Variants in RBBP7 observed in about 807,000 individuals in gnomAD.
The protein encoded by RBBP7 is RB binding protein 7, chromatin remodeling factor, also known as histone-binding protein RBBP7.
In RBBP7, 5 loss-of-function variants were observed where a neutral mutation model predicts 35.2. That is an observed-to-expected ratio of 0.14 (90% CI 0.07 to 0.30). The LOEUF (loss-of-function observed/expected upper bound fraction) is 0.30. Ranked by LOEUF, RBBP7 falls within the 10% of genes least tolerant of loss-of-function variation. The pLI, the probability that RBBP7 is intolerant of heterozygous loss-of-function variation, is 1.00. For missense variants in RBBP7, 155 were observed against 327.5 expected, an observed-to-expected ratio of 0.47 and a Z score of 4.07; for synonymous variants, 140 against 118.7, an observed-to-expected ratio of 1.18 and a Z score of -1.17.
At chrX:16,869,857 G>C in intron 1 of RBBP7, 181 bp downstream of exon 1, 4 of 851,283 alleles carry the variant, frequency 4.7e-6, no homozygotes, top group Non-Finnish European at 4.3e-6. Flanking sequence ...GGAAGTGCTC[G>C]GAGCCCTCGG....
At chrX:16,852,326 C>A (rs1930228651) in intron 8 of RBBP7, 2 of 525,220 alleles carry the variant, frequency 3.8e-6, no homozygotes, top group African/African-American at 2.3e-5. Context: ...CTCCCCAGCA[C>A]TGAGGAACTC....
intron 3 of RBBP7, among the ~76,000 whole-genome samples, chrX:16,860,672 T>G (rs1187034804): frequency 1.1e-5 from 1 of 90,001 alleles, no homozygotes; most frequent in Non-Finnish European, 2.1e-5. Context: ...AAACTTCGTC[T>G]CGAAAAAAAA....
At position 16,853,812 on chromosome X, in the gene RBBP7, G is replaced by A; in HGVS notation, c.628C>T (p.Pro210Ser). 8.5e-7 allele frequency: 1 copy of A among 1,171,098 alleles called. No individual in the cohort carries two copies. Among genetic ancestry groups the A allele is most frequent in the Non-Finnish European group, 1.1e-6 (1 of 876,816 alleles). Residue 210 changes from proline (P) to serine (S), a missense_variant, in exon 6 of 12, where the codon CCA becomes TCA. Around this residue, in one of 3 missense-constraint regions of RBBP7, gnomAD observed 79 missense variants for 220.8 expected, o/e 0.36. Transcript: ENST00000380087. ...TVCLWDINAG[P>S]KEGKIVDAKA... is the part of the protein sequence containing the mutation. Reference sequence around the variant, plus strand: ...GCATCCACAATTTTGCCTTCTTTTGGTCCTGCGTTTATATCCCACAGACAA... The same window carrying A: ...GCATCCACAATTTTGCCTTCTTTTGATCCTGCGTTTATATCCCACAGACAA...
chrX:16,858,868 AACAC>A lies in RBBP7; in HGVS notation c.308-23_308-20del, dbSNP rs373821489. On this transcript the variant is annotated intron_variant, in intron 3 of 11. Coordinates refer to ENST00000380087, the MANE Select transcript of RBBP7 (RefSeq NM_002893.4). ...CCAAATTCTAATGTGAGGAGAAAGA[AACAC>A]ACACACACACACTCAGGATTAAAAT... The A allele has an allele frequency of 2.7e-6, 3 of 1,123,570 alleles. No homozygotes were observed. Among genetic ancestry groups the A allele is most frequent in the Non-Finnish European group, 3.6e-6 (3 of 830,461 alleles). The allele number at this position is 1,123,570 out of a possible 1,213,427, so 92.6% of individuals were successfully genotyped here. A position where few individuals can be genotyped will look rare whatever the true frequency, so the allele number is the denominator to read the frequency against.
chrX:16,848,805 A>G (rs1364030247), intron 10 of RBBP7: 1 of 113,295 alleles, frequency 8.8e-6, no homozygotes, highest in Admixed American at 9.5e-5. Flanking sequence ...TGCTTCAATC[A>G]GGCATGGGAG....
chrX:16,864,650 A>G (rs929847195), intron 2 of RBBP7, among the ~76,000 whole-genome samples: 1 of 109,674 alleles, frequency 9.1e-6, no homozygotes, highest in Non-Finnish European at 1.9e-5. Context: ...GGTGGTCTTT[A>G]TATGTATGTA....
intron 5 of RBBP7, 51 bp from the exon 6 acceptor site, chrX:16,853,893 T>C (rs1391522695): frequency 1.7e-5 from 2 of 118,052 alleles, no homozygotes; most frequent in African/African-American, 4.3e-4. Flanking sequence ...AAGAGACTGA[T>C]TTTTTTTTTT....
In RBBP7 at chrX:16,852,744, G is replaced by A. The variant is rs780895806; in HGVS notation, c.885+5C>T. 2.1e-5 allele frequency: 25 copies of A among 1,210,658 alleles called. No homozygotes were observed. The highest frequency in any genetic ancestry group is 8.8e-5 in the South Asian group (5 of 56,915). ...AAACACCAAATAATGCAAAAACTTC[G>A]AAACCTTATCCGCAGAGCCGGTGGC... On this transcript the variant is annotated splice_donor_5th_base_variant and intron_variant, in intron 7 of 11. Transcript: ENST00000380087.
intron 3 of RBBP7, among the ~76,000 whole-genome samples, chrX:16,861,176 A>T (rs776558877): frequency 8.9e-6 from 1 of 112,314 alleles, no homozygotes; most frequent in Admixed American, 9.5e-5. Context: ...CCTGCCTCAT[A>T]ACAAACAAAA....
rs149022618 is a variant in RBBP7 at position 16,869,401 on chromosome X, T to C, written c.17-181A>G. On this transcript the variant is annotated intron_variant, in intron 1 of 11. Transcript: ENST00000380087. ...ATACTAACAATCAGGAAGCCTATTT[T>C]TTCCATTGAGATCAATACCCCCTGC... The C allele has an allele frequency of 1.7e-4, 181 of 1,080,227 alleles. No homozygotes were observed. In the East Asian group the frequency reaches 4.3e-3, roughly 26 times the overall value. 89.0% of individuals were successfully genotyped at this position (1,080,227 alleles called of 1,213,427 possible).
intron 2 of RBBP7, among the ~76,000 whole-genome samples, chrX:16,868,584 T>C (rs1289769594): frequency 8.9e-6 from 1 of 112,584 alleles, no homozygotes; most frequent in Admixed American, 9.4e-5. Context: ...TCTCAAAGTG[T>C]ATTCCATAAG....
Position 16,870,146 on chromosome X carries a change from C to G in RBBP7, c.-93G>C. ...CGCTGGCGCTCCTGCCTTTCCCAAG[C>G]GCGTCACACTCCCCACTGTCGAAAG... On this transcript the variant is annotated 5_prime_UTR_variant, in exon 1 of 12. Transcript: ENST00000380087. 1.0e-6 allele frequency: 1 copy of G among 996,364 alleles called. No homozygotes were observed. Among genetic ancestry groups the G allele is most frequent in the Non-Finnish European group, 1.3e-6 (1 of 775,568 alleles). 82.1% of individuals were successfully genotyped at this position (996,364 alleles called of 1,213,427 possible). A position where few individuals can be genotyped will look rare whatever the true frequency, so the allele number is the denominator to read the frequency against.
At chrX:16,861,980 T>C (rs1234791816) in intron 3 of RBBP7, among the ~76,000 whole-genome samples, 2 of 112,024 alleles carry the variant, frequency 1.8e-5, no homozygotes, top group East Asian at 5.6e-4. Flanking sequence ...TCAGTTTGTA[T>C]TACTGGGGTC....
At chrX:16,853,622 A>C in intron 6 of RBBP7, 60 bp downstream of exon 6, 1 of 1,021,409 alleles carries the variant, frequency 9.8e-7, no homozygotes, top group Non-Finnish European at 1.3e-6. Context: ...GCCTGCAGCA[A>C]TCACTGATGG....
At chrX:16,850,930 C>T (rs1930197010) in intron 9 of RBBP7, among the ~76,000 whole-genome samples, 1 of 111,068 alleles carries the variant, frequency 9.0e-6, no homozygotes. Context: ...AAAGCTCTGC[C>T]TTTATTTATT....
At chrX:16,853,659 T>C in intron 6 of RBBP7, 23 bp downstream of exon 6, 1 of 1,092,852 alleles carries the variant, frequency 9.2e-7, no homozygotes, top group Non-Finnish European at 1.2e-6. Context: ...TTTAACAAGA[T>C]CCCACTGAAT....
intron 1 of RBBP7, chrX:16,869,696 A>ACG (rs772508356): frequency 5.9e-5 from 60 of 1,017,247 alleles, no homozygotes; most frequent in East Asian, 1.6e-4. Context: ...GAGGCGGTCA[A>ACG]CGCGCGCGCG....
chrX:16,852,038 TA>T lies in RBBP7; in HGVS notation c.1040+7del. The T allele has an allele frequency of 8.4e-7, 1 of 1,193,824 alleles. No homozygotes were observed. The highest frequency in any genetic ancestry group is 1.1e-6 in the Non-Finnish European group (1 of 879,416). ...TATGCAGTATCTTGTCACAGGACTG[TA>T]AGTTACCTTAAATCCCACACATTCA... On this transcript the variant is annotated splice_region_variant and intron_variant, in intron 9 of 11. Coordinates refer to ENST00000380087, the MANE Select transcript of RBBP7 (RefSeq NM_002893.4).
chrX:16,866,369 TACA>T (rs1930615032), intron 2 of RBBP7, among the ~76,000 whole-genome samples: 1 of 106,726 alleles, frequency 9.4e-6, no homozygotes, highest in Non-Finnish European at 1.9e-5. Context: ...TTACCAAAAA[TACA>T]ACAATTAGCT....
Sources: gnomAD v4.1 joint callset for allele counts (sites outside exome capture counted in the v4.1 genomes callset) on GRCh38, gnomAD v4.1.1 for gene constraint, gnomAD v4.1.1 regional missense constraint, MANE v1.5 for transcripts, NCBI Gene and HGNC (gene_info 2026-07-23, HGNC 2026-07-21) for gene names.